The following MACIR variants were observed in gnomAD, a reference collection of about 807,000 sequenced individuals.
MACIR encodes macrophage immunometabolism regulator.
In MACIR, 4 loss-of-function variants were observed where a neutral mutation model predicts 14.3. The ratio of observed to expected loss-of-function variants is 0.28; its 90% CI spans 0.14 to 0.64. The LOEUF (loss-of-function observed/expected upper bound fraction) is 0.64. Ranked by LOEUF, MACIR falls within the 30% of genes least tolerant of loss-of-function variation. MACIR has a pLI of 0.83. For missense variants in MACIR, 228 were observed against 257.6 expected, an observed-to-expected ratio of 0.89 and a Z score of 0.79; for synonymous variants, 101 against 102.4, an observed-to-expected ratio of 0.99 and a Z score of 0.08.
chr5:103,267,756 T>C (rs544807915), intron 2 of MACIR, among the ~76,000 whole-genome samples: 1 of 152,350 alleles, frequency 6.6e-6, no homozygotes, highest in East Asian at 1.9e-4. Context: ...TCCGTCCTTT[T>C]AAAGTGTACG....
At chr5:103,266,393 A>G (rs1231130797) in intron 2 of MACIR, among the ~76,000 whole-genome samples, 2 of 152,160 alleles carry the variant, frequency 1.3e-5, no homozygotes, top group East Asian at 3.8e-4. Context: ...CTGGTTATAT[A>G]TTATCATACA....
At chr5:103,259,527 C>T (rs1161515007) in intron 1 of MACIR, 5 of 152,238 alleles carry the variant, frequency 3.3e-5, no homozygotes, top group Non-Finnish European at 7.3e-5. Context: ...CCCGGCCGCG[C>T]TCAGGGTGCG....
intron 1 of MACIR, among the ~76,000 whole-genome samples, chr5:103,262,624 TGTTGGGTGTCTTTTGCTTA>T (rs1804768996): frequency 1.3e-5 from 2 of 152,352 alleles, no homozygotes; most frequent in South Asian, 4.1e-4. Context: ...TGCAGTGAAA[TGTTGGGTGTCTTTTGCTTA>T]GTCACCCATG....
At chr5:103,268,477 G>A (rs1376283104) in intron 2 of MACIR, among the ~76,000 whole-genome samples, 1 of 152,110 alleles carries the variant, frequency 6.6e-6, no homozygotes, top group East Asian at 1.9e-4. Context: ...GCAATTATAA[G>A]CAGCCAAAAA....
chr5:103,266,996 G>T lies in MACIR; in HGVS notation c.-24+999G>T, dbSNP rs999273672. On this transcript the variant is annotated intron_variant, in intron 2 of 2. Transcript: ENST00000319933. ...ACCATAGTACAAAGTACTTGGAGAGGATATTGAATAAAAAACAATGTGGCC... is the reference window on the plus strand; with the variant it reads ...ACCATAGTACAAAGTACTTGGAGAGTATATTGAATAAAAAACAATGTGGCC... 3.9e-5 allele frequency among the ~76,000 whole-genome samples: 6 copies of T among 152,202 alleles called. No homozygotes were observed. In the South Asian group the frequency reaches 6.2e-4, roughly 16 times the overall value.
intron 1 of MACIR, among the ~76,000 whole-genome samples, chr5:103,260,018 T>C (rs1438000234): frequency 6.7e-6 from 1 of 150,272 alleles, no homozygotes; most frequent in African/African-American, 2.4e-5. Context: ...TTCAACCCAG[T>C]GGGTTACTGA....
In MACIR at chr5:103,260,221, CT is replaced by C. The variant is rs797038831; in HGVS notation, c.-114+1339del. Among the ~76,000 whole-genome samples the C allele has an allele frequency of 1.0e-2, 1,388 of 138,934 alleles. 13 individuals are homozygous for C. Among genetic ancestry groups the C allele is most frequent in the African/African-American group, 0.027 (1,019 of 38,230 alleles). The allele number at this position is 138,934 out of a possible 152,430, so 91.1% of individuals were successfully genotyped here. A position where few individuals can be genotyped will look rare whatever the true frequency, so the allele number is the denominator to read the frequency against. On this transcript the variant is annotated intron_variant, in intron 1 of 2. Coordinates refer to ENST00000319933, the MANE Select transcript of MACIR (RefSeq NM_033211.4). ...TTCTGATGTTACTAGACTCATTTTC[CT>C]TTTTTTTTTTTTTCCGAAGAGCCAA...
At chr5:103,264,292 A>T (rs1554236572) in intron 1 of MACIR, among the ~76,000 whole-genome samples, 1 of 152,122 alleles carries the variant, frequency 6.6e-6, no homozygotes. Context: ...GCTACTACTA[A>T]AGAGTACTTT....
At chr5:103,272,376 T>TTC (rs1554237189) in intron 2 of MACIR, among the ~76,000 whole-genome samples, 25 of 151,028 alleles carry the variant, frequency 1.7e-4, no homozygotes, top group Admixed American at 5.9e-4. Context: ...TTTTTTTTTT[T>TTC]CCAGAATTCT....
In MACIR at chr5:103,276,061, G is replaced by A. The variant is rs1469616251; in HGVS notation, c.142G>A (p.Val48Met). 3 of 1,613,938 alleles carry A rather than the reference G, an allele frequency of 1.9e-6. No homozygotes were observed. The highest frequency in any genetic ancestry group is 1.7e-5 in the Admixed American group (1 of 59,996). The change falls in exon 3 of 3, where the codon GTG (valine) becomes ATG (methionine). Residue 48 changes from valine to methionine, a missense_variant. Transcript: ENST00000319933. ...ACCCTGCTCCCCGATGCGGAGGACC[G>A]TGTCAGGCTACCAGATCCTACACAT... ...STPCSPMRRT[V>M]SGYQILHMDS...
chr5:103,269,470 A>G (rs1805048850), intron 2 of MACIR, among the ~76,000 whole-genome samples: 1 of 152,212 alleles, frequency 6.6e-6, no homozygotes, highest in African/African-American at 2.4e-5. Flanking sequence ...CAGTGAAAGC[A>G]TATGGAGCAG....
At chr5:103,265,660 C>A (rs1554236692) in intron 1 of MACIR, among the ~76,000 whole-genome samples, 1 of 152,136 alleles carries the variant, frequency 6.6e-6, no homozygotes, top group Admixed American at 6.6e-5. Context: ...CAGTTAGGTA[C>A]TCCTAGTCTC....
chr5:103,272,746 CAG>C (rs543984827), intron 2 of MACIR, among the ~76,000 whole-genome samples: 214 of 152,242 alleles, frequency 1.4e-3, no homozygotes, highest in Middle Eastern at 6.8e-3. Context: ...TTTAGAAAAA[CAG>C]AAGCCGTTTG....
intron 1 of MACIR, among the ~76,000 whole-genome samples, 152 bp from the exon 2 acceptor site, chr5:103,265,756 A>G (rs1364049775): frequency 1.3e-5 from 2 of 152,178 alleles, no homozygotes; most frequent in Non-Finnish European, 2.9e-5. Flanking sequence ...CTCAACATCA[A>G]TTGAATTAAT....
At position 103,276,718 on chromosome 5, in the gene MACIR, G is replaced by T. The variant is rs548153461; in HGVS notation, c.*178G>T. On this transcript the variant is annotated 3_prime_UTR_variant, in exon 3 of 3. Transcript: ENST00000319933. ...TACAGGAATGAAATCACAGGTACTT[G>T]GGGGGGGGATATCATTCTAGAGCAC... The T allele has an allele frequency of 1.3e-4, 58 of 436,456 alleles. No homozygotes were observed. The highest frequency in any genetic ancestry group is 2.6e-4 in the East Asian group (7 of 27,014). 27.0% of individuals were successfully genotyped at this position (436,456 alleles called of 1,614,324 possible).
chr5:103,271,154 G>A (rs1403966334), intron 2 of MACIR, among the ~76,000 whole-genome samples: 2 of 152,048 alleles, frequency 1.3e-5, no homozygotes, highest in Non-Finnish European at 2.9e-5. Flanking sequence ...AGCTAATGAA[G>A]CAATTAATTT....
intron 2 of MACIR, among the ~76,000 whole-genome samples, chr5:103,271,190 G>A (rs986146634): frequency 6.6e-6 from 1 of 152,074 alleles, no homozygotes; most frequent in East Asian, 1.9e-4. Flanking sequence ...TGAAATACAG[G>A]TATTAGGATA....
rs558424796 is a variant in MACIR at position 103,278,044 on chromosome 5, T to C, written c.*1504T>C. 1.4e-4 allele frequency: 24 copies of C among 167,184 alleles called. No individual in the cohort carries two copies. Among genetic ancestry groups the C allele is most frequent in the East Asian group, 7.7e-4 (4 of 5,194 alleles). 10.4% of individuals were successfully genotyped at this position (167,184 alleles called of 1,614,324 possible). A position where few individuals can be genotyped will look rare whatever the true frequency, so the allele number is the denominator to read the frequency against. On this transcript the variant is annotated 3_prime_UTR_variant, in exon 3 of 3. Transcript: ENST00000319933. ...CTAGGAACTCTTAATCAACGTTTATTACACTTTCATTAAGGCAAACTACGT... is the reference window on the plus strand; with the variant it reads ...CTAGGAACTCTTAATCAACGTTTATCACACTTTCATTAAGGCAAACTACGT...
At chr5:103,263,204 C>T (rs1220064756) in intron 1 of MACIR, among the ~76,000 whole-genome samples, 2 of 146,358 alleles carry the variant, frequency 1.4e-5, no homozygotes, top group East Asian at 3.9e-4. Context: ...CATATACCTC[C>T]TCCTCCTCCT....
Sources: allele counts gnomAD v4.1 joint callset (sites outside exome capture counted in the v4.1 genomes callset), GRCh38; gene constraint gnomAD v4.1.1; transcripts MANE v1.5; gene names NCBI Gene and HGNC (gene_info 2026-07-23, HGNC 2026-07-21).